TMEM132B: variants seen among roughly 807,000 people sequenced by gnomAD.
TMEM132B encodes the protein transmembrane protein 132B.
Under a neutral mutation model 90.8 loss-of-function variants are expected in TMEM132B, and 18 were observed. That is an observed-to-expected ratio of 0.20 (90% CI 0.14 to 0.29). TMEM132B has a LOEUF of 0.29. Ranked by LOEUF, TMEM132B falls within the 10% of genes least tolerant of loss-of-function variation. TMEM132B has a pLI of 1.00. For synonymous variants in TMEM132B, 504 were observed against 523.3 expected, an observed-to-expected ratio of 0.96 and a Z score of 0.50; for missense variants, 1,096 against 1,326.8, an observed-to-expected ratio of 0.83 and a Z score of 2.70.
intron 1 of TMEM132B, among the ~76,000 whole-genome samples, chr12:125,318,037 G>A (rs1000173644): frequency 2.0e-5 from 3 of 152,186 alleles, no homozygotes; most frequent in African/African-American, 4.8e-5. Context: ...GGGTTACGGC[G>A]ATGTATGTCA....
At chr12:125,601,230 C>T (rs1317231286) in intron 5 of TMEM132B, among the ~76,000 whole-genome samples, 6 of 152,338 alleles carry the variant, frequency 3.9e-5, no homozygotes, top group African/African-American at 9.6e-5. Context: ...AAACACTCCT[C>T]AGCAAATGCA....
At chr12:125,559,230 G>A (rs1398837783) in intron 4 of TMEM132B, among the ~76,000 whole-genome samples, 2 of 152,106 alleles carry the variant, frequency 1.3e-5, no homozygotes, top group African/African-American at 4.8e-5. Context: ...GCGGGGTGTG[G>A]TGGCTCACAC....
intron 3 of TMEM132B, among the ~76,000 whole-genome samples, chr12:125,469,234 T>A (rs1488759849): frequency 2.0e-5 from 3 of 152,220 alleles, no homozygotes; most frequent in Admixed American, 6.5e-5. Context: ...TGGGCTATTT[T>A]AGATTGAGGT....
intron 1 of TMEM132B, among the ~76,000 whole-genome samples, chr12:125,264,792 A>C (rs1275814653): frequency 6.6e-6 from 1 of 152,240 alleles, no homozygotes; most frequent in Non-Finnish European, 1.5e-5. Flanking sequence ...GTCCATCTGC[A>C]TTCTTTTCCC....
rs1264098482 is a variant in TMEM132B at position 125,653,774 on chromosome 12, A to G, written c.2316A>G (p.Glu772=). Residue 772 remains glutamate (E), a synonymous_variant, in exon 9 of 9, where the codon GAA becomes GAG. Coordinates refer to ENST00000682704, the MANE Select transcript of TMEM132B (RefSeq NM_001366854.1). ...PLIKLEMMIS[E]PCQKTKRKSV... ...TTAAGTTAGAAATGATGATAAGTGAACCTTGTCAGAAGACCAAGAGGAAGA... is the reference window on the plus strand; with the variant it reads ...TTAAGTTAGAAATGATGATAAGTGAGCCTTGTCAGAAGACCAAGAGGAAGA... The G allele has an allele frequency of 5.0e-6, 8 of 1,614,108 alleles. No homozygotes were observed. Among genetic ancestry groups the G allele is most frequent in the African/African-American group, 1.3e-5 (1 of 74,940 alleles).
intron 3 of TMEM132B, among the ~76,000 whole-genome samples, chr12:125,488,601 G>T (rs1209281109): frequency 2.0e-5 from 3 of 152,154 alleles, no homozygotes; most frequent in African/African-American, 7.2e-5. Flanking sequence ...GACATGACTT[G>T]CTCCTCTTTG....
chr12:125,602,464 C>T (rs999000329), intron 5 of TMEM132B, among the ~76,000 whole-genome samples: 1 of 152,106 alleles, frequency 6.6e-6, no homozygotes, highest in Non-Finnish European at 1.5e-5. Flanking sequence ...AAACATATCT[C>T]AAAATAATAA....
intron 1 of TMEM132B, among the ~76,000 whole-genome samples, chr12:125,266,758 C>T (rs184065868): frequency 6.6e-6 from 1 of 152,306 alleles, no homozygotes; most frequent in East Asian, 1.9e-4. Flanking sequence ...ATTTTAGCAT[C>T]AGGGTGATTT....
chr12:125,270,171 C>T (rs1344708309), intron 1 of TMEM132B, among the ~76,000 whole-genome samples: 1 of 147,348 alleles, frequency 6.8e-6, no homozygotes. Context: ...AGGTCTTGCT[C>T]TGTAACCCAG....
chr12:125,331,590 A>G (rs1210918954), intron 1 of TMEM132B, among the ~76,000 whole-genome samples: 1 of 152,180 alleles, frequency 6.6e-6, no homozygotes, highest in African/African-American at 2.4e-5. Flanking sequence ...GAAGAGGAGC[A>G]GGAGCTGTAC....
intron 1 of TMEM132B, among the ~76,000 whole-genome samples, chr12:125,256,607 T>C (rs2136106789): frequency 6.6e-6 from 1 of 152,374 alleles, no homozygotes; most frequent in East Asian, 1.9e-4. Flanking sequence ...ATTCGCCATC[T>C]GGCCCTTTAC....
At chr12:125,503,889 A>G (rs1882762933) in intron 3 of TMEM132B, among the ~76,000 whole-genome samples, 1 of 152,240 alleles carries the variant, frequency 6.6e-6, no homozygotes, top group Non-Finnish European at 1.5e-5. Context: ...TTTAAGAGAC[A>G]CAATCAGCAA....
intron 1 of TMEM132B, among the ~76,000 whole-genome samples, chr12:125,243,661 G>A (rs778342834): frequency 9.9e-5 from 15 of 152,176 alleles, no homozygotes; most frequent in Non-Finnish European, 2.1e-4. Flanking sequence ...CTATCACCCA[G>A]GTAGGGGGTA....
chr12:125,267,837 CT>C (rs1386533947), intron 1 of TMEM132B, among the ~76,000 whole-genome samples: 4 of 152,064 alleles, frequency 2.6e-5, no homozygotes, highest in Non-Finnish European at 5.9e-5. Context: ...TGAGAAGTGT[CT>C]TGATTTTTTC....
intron 1 of TMEM132B, among the ~76,000 whole-genome samples, chr12:125,288,594 T>A (rs1364023019): frequency 6.6e-6 from 1 of 152,210 alleles, no homozygotes; most frequent in Admixed American, 6.5e-5. Context: ...ACTATGGGCA[T>A]GCTGTGTGGG....
rs1875017676 is a variant in TMEM132B, at chr12:125,277,305, C to G, written c.68-72147C>G. Among the ~76,000 whole-genome samples, 2 of 151,948 alleles carry G rather than the reference C, an allele frequency of 1.3e-5. No individual in the cohort carries two copies. The highest frequency in any genetic ancestry group is 6.6e-5 in the Admixed American group (1 of 15,252). ...ACCAGCCTGGCCAACATGGTGAAACCCTGTCTCTACTAAAAATACAAAAAT... is the reference window on the plus strand; with the variant it reads ...ACCAGCCTGGCCAACATGGTGAAACGCTGTCTCTACTAAAAATACAAAAAT... On this transcript the variant is annotated intron_variant, in intron 1 of 8. Transcript: ENST00000682704. The surrounding 1 kb of genome is among the most constrained non-coding windows in gnomAD (Gnocchi z 4.3).
At chr12:125,615,074 C>A (rs1026655161) in intron 5 of TMEM132B, among the ~76,000 whole-genome samples, 5 of 151,980 alleles carry the variant, frequency 3.3e-5, no homozygotes, top group African/African-American at 1.2e-4. Flanking sequence ...CAAGATGAGT[C>A]ATTTTTCTTT....
chr12:125,314,037 C>T (rs1313882532), intron 1 of TMEM132B, among the ~76,000 whole-genome samples: 2 of 152,094 alleles, frequency 1.3e-5, no homozygotes, highest in Admixed American at 1.3e-4. Flanking sequence ...AGGATCAGTG[C>T]ATCTTTTTTG....
chr12:125,542,004 G>A (rs113881915), intron 4 of TMEM132B, among the ~76,000 whole-genome samples: 312 of 113,812 alleles, frequency 2.7e-3, no homozygotes, highest in African/African-American at 0.01. Flanking sequence ...CAGCCTGGGC[G>A]ACAGAGCAAA....
Sources: gnomAD v4.1 joint callset for allele counts (sites outside exome capture counted in the v4.1 genomes callset) on GRCh38, gnomAD v4.1.1 for gene constraint, Gnocchi (gnomAD v3.1) non-coding constraint, MANE v1.5 for transcripts, NCBI Gene and HGNC (gene_info 2026-07-23, HGNC 2026-07-21) for gene names.